TMEM53: variants seen among roughly 807,000 people sequenced by gnomAD.
TMEM53 encodes transmembrane protein 53.
A neutral mutation model predicts 21.4 loss-of-function variants in TMEM53; 14 were observed. The ratio of observed to expected loss-of-function variants is 0.65; its 90% confidence interval spans 0.43 to 1.02. The LOEUF is 1.02. Among genes scored for constraint, TMEM53 ranks in the 50% least tolerant of loss-of-function variants. TMEM53 has a pLI of 0.00. For missense variants in TMEM53, 323 were observed against 383.6 expected (o/e 0.84, Z 1.32); for synonymous variants, 148 against 157.4 (o/e 0.94, Z 0.45).
At chr1:44,660,047 AG>A in intron 2 of TMEM53, 126 bp downstream of exon 2, 1 of 1,192,624 alleles carries the variant, frequency 8.4e-7, no homozygotes, top group Non-Finnish European at 1.2e-6. Flanking sequence ...TAGTAGAGAC[AG>A]GGTTTGACCA....
In TMEM53 at chr1:44,655,256, T is replaced by C; in HGVS notation, c.184-47A>G. ...GTCCTCACAGATGAGGTGGGGGTAG[T>C]GGGTACAAGCTAAGGTCAGAGGGGC... On this transcript the variant is annotated intron_variant, in intron 2 of 2. Transcript: ENST00000372237. The surrounding 1 kb of genome is among the most constrained non-coding windows in gnomAD (Gnocchi z 4.4). The C allele has an allele frequency of 2.6e-6, 4 of 1,540,594 alleles. No individual in the cohort carries two copies. Among genetic ancestry groups the C allele is most frequent in the Non-Finnish European group, 3.5e-6 (4 of 1,143,266 alleles).
rs141821802 is a variant in TMEM53 at position 44,668,896 on chromosome 1, T to C, written c.61+5435A>G. Among the ~76,000 whole-genome samples the C allele has an allele frequency of 1.8e-3, 269 of 152,342 alleles. 2 individuals carry two copies. Among genetic ancestry groups the C allele is most frequent in the African/African-American group, 6.2e-3 (257 of 41,574 alleles). On this transcript the variant is annotated intron_variant, in intron 1 of 2. Transcript: ENST00000372237. ...AAAAGAAGAGCAGAGCAGAGTAGCA[T>C]AGTATCTAAGAGTACATACTGTACA...
rs1413068908 is a variant in TMEM53 at position 44,674,440 on chromosome 1, T to C, written c.-49A>G. Reference sequence around the variant, plus strand: ...CGGGTCTCCAGCCGGAACTCCCGCTTGCGCACCCGTGCCTCACCCGGGCGC... The same window carrying C: ...CGGGTCTCCAGCCGGAACTCCCGCTCGCGCACCCGTGCCTCACCCGGGCGC... On this transcript the variant is annotated 5_prime_UTR_variant, in exon 1 of 3. Coordinates refer to ENST00000372237, the MANE Select transcript of TMEM53 (RefSeq NM_024587.4). The C allele has an allele frequency of 6.3e-7, 1 of 1,576,252 alleles. No individual in the cohort carries two copies. Among genetic ancestry groups the C allele is most frequent in the Non-Finnish European group, 8.6e-7 (1 of 1,160,606 alleles).
Position 44,674,346 on chromosome 1 carries a change from G to A in TMEM53, c.46C>T (p.Pro16Ser), listed in dbSNP as rs1364594095. ...CATTCCATACTCTGGCTCCAGCAGG[G>A]CTGATCCGGGATCTCGATGGTGTAG... ...LDYTIEIPDQ[P>S]CWSQKNSPSP... is the part of the protein sequence containing the mutation. Residue 16 changes from proline (P) to serine (S), a missense_variant, in exon 1 of 3, where the codon CCC becomes TCC. Around this residue, in one of 3 missense-constraint regions of TMEM53, gnomAD observed 49 missense variants for 32.9 expected, o/e 1.49. Coordinates refer to ENST00000372237, the MANE Select transcript of TMEM53 (RefSeq NM_024587.4). 3 of 1,612,924 alleles carry A rather than the reference G, an allele frequency of 1.9e-6. No homozygotes were observed. Among genetic ancestry groups the A allele is most frequent in the African/African-American group, 2.7e-5 (2 of 74,972 alleles).
chr1:44,672,823 A>G (rs1256532815), intron 1 of TMEM53, among the ~76,000 whole-genome samples: 1 of 151,536 alleles, frequency 6.6e-6, no homozygotes, highest in Non-Finnish European at 1.5e-5. Flanking sequence ...GAGCAATGCA[A>G]TGGCAGCACC....
At chr1:44,667,942 T>C (rs1474131152) in intron 1 of TMEM53, among the ~76,000 whole-genome samples, 1 of 152,090 alleles carries the variant, frequency 6.6e-6, no homozygotes, top group Non-Finnish European at 1.5e-5. Flanking sequence ...CAAATAACAC[T>C]GACACAGATA....
rs1364330122 is a variant in TMEM53, at chr1:44,660,213, G to C, written c.144C>G (p.Asp48Glu). The change falls in exon 2 of 3, where the codon GAC becomes GAG. Residue 48 changes from aspartate (D) to glutamate (E), a missense_variant. Physicochemically the swap from Asp to Glu is conservative, Grantham distance 45. Transcript: ENST00000372237. ...VILLGWGGCKDKNLAKYSAIY... is the reference protein window; with the variant it reads ...VILLGWGGCKEKNLAKYSAIY... ...TGGCACTGTACTTGGCAAGGTTCTT[G>C]TCCTTGCAGCCACCCCAGCCCAAGA... 6.2e-7 allele frequency: 1 copy of C among 1,613,962 alleles called. No individual in the cohort carries two copies.
intron 2 of TMEM53, among the ~76,000 whole-genome samples, chr1:44,657,009 CT>C: frequency 7.3e-6 from 1 of 137,558 alleles, no homozygotes; most frequent in South Asian, 2.5e-4. Context: ...AAGACTCTCT[CT>C]CAAAAAAAAA....
chr1:44,674,227 G>A (rs1476856220), intron 1 of TMEM53, 104 bp downstream of exon 1: 20 of 1,474,296 alleles, frequency 1.4e-5, no homozygotes, highest in Admixed American at 2.5e-5. Flanking sequence ...GGGGCGGCCC[G>A]AGGGAGGGCG....
At chr1:44,673,332 A>G (rs1645031365) in intron 1 of TMEM53, among the ~76,000 whole-genome samples, 1 of 152,218 alleles carries the variant, frequency 6.6e-6, no homozygotes, top group African/African-American at 2.4e-5. Context: ...AGAGTATAAG[A>G]TCAAACCTTT....
chr1:44,667,600 G>A (rs573979154), intron 1 of TMEM53, among the ~76,000 whole-genome samples: 33 of 152,026 alleles, frequency 2.2e-4, no homozygotes, highest in East Asian at 7.7e-4. Context: ...GAGTCACCGC[G>A]CCCAGCCATG....
At chr1:44,674,301 C>A in intron 1 of TMEM53, 30 bp downstream of exon 1, 1 of 1,594,472 alleles carries the variant, frequency 6.3e-7, no homozygotes, top group Non-Finnish European at 8.5e-7. Flanking sequence ...GGTCACCTCC[C>A]CGCGCCTGGA....
chr1:44,656,227 T>G (rs1644847586), intron 2 of TMEM53, among the ~76,000 whole-genome samples: 1 of 151,992 alleles, frequency 6.6e-6, no homozygotes, highest in South Asian at 2.1e-4. Context: ...ATCTATAAGA[T>G]TACGGTGAAA....
chr1:44,655,194 G>C lies in TMEM53; in HGVS notation c.199C>G (p.Arg67Gly). ...IYHKRGCIVIRYTAPWHMVFF... is the reference protein window; with the variant it reads ...IYHKRGCIVIGYTAPWHMVFF... Reference sequence around the variant, plus strand: ...ACCATGTGCCACGGGGCTGTGTATCGGATTACGATGCAGCCCTGGGGAGAG... The same window carrying C: ...ACCATGTGCCACGGGGCTGTGTATCCGATTACGATGCAGCCCTGGGGAGAG... Residue 67 changes from arginine (R) to glycine (G), a missense_variant, in exon 3 of 3, where the codon CGA becomes GGA. This residue lies in a region of TMEM53 where 269 missense variants were observed against 334.5 expected (regional missense o/e 0.80). Transcript: ENST00000372237. The surrounding 1 kb of genome is among the most constrained non-coding windows in gnomAD (Gnocchi z 4.4). The C allele has an allele frequency of 1.2e-6, 2 of 1,606,716 alleles. No individual in the cohort carries two copies. The highest frequency in any genetic ancestry group is 1.1e-5 in the South Asian group (1 of 89,672).
chr1:44,669,380 T>C (rs72671976), intron 1 of TMEM53, among the ~76,000 whole-genome samples: 4,293 of 152,328 alleles, frequency 0.028, 96 homozygotes, highest in Non-Finnish European at 0.037. Context: ...AAAAATACTT[T>C]AATGGACACC....
At chr1:44,671,009 G>T (rs1283955727) in intron 1 of TMEM53, among the ~76,000 whole-genome samples, 1 of 152,198 alleles carries the variant, frequency 6.6e-6, no homozygotes, top group Non-Finnish European at 1.5e-5. Context: ...GTGCTGCCAA[G>T]TGATTCCATT....
At chr1:44,669,536 CT>C (rs1484419778) in intron 1 of TMEM53, among the ~76,000 whole-genome samples, 1 of 152,192 alleles carries the variant, frequency 6.6e-6, no homozygotes, top group African/African-American at 2.4e-5. Flanking sequence ...GGGCAAGACA[CT>C]TTACCTCCCC....
intron 1 of TMEM53, among the ~76,000 whole-genome samples, chr1:44,669,504 A>C (rs1644980281): frequency 6.6e-6 from 1 of 152,210 alleles, no homozygotes; most frequent in Non-Finnish European, 1.5e-5. Context: ...AAGGCTCTTA[A>C]GCTGAAATCT....
chr1:44,668,450 T>TA (rs1644968633), intron 1 of TMEM53, among the ~76,000 whole-genome samples: 1 of 151,952 alleles, frequency 6.6e-6, no homozygotes. Context: ...AAAATAAAAA[T>TA]AAAATAACAT....
Sources: gnomAD v4.1 joint callset for allele counts (sites outside exome capture counted in the v4.1 genomes callset) on GRCh38, gnomAD v4.1.1 for gene constraint, gnomAD v4.1.1 regional missense constraint, Gnocchi (gnomAD v3.1) non-coding constraint, MANE v1.5 for transcripts, NCBI Gene and HGNC (gene_info 2026-07-23, HGNC 2026-07-21) for gene names.